The following HSF2 variants were observed in gnomAD, a reference collection of about 807,000 sequenced individuals.
HSF2 encodes heat shock transcription factor 2.
Under a neutral mutation model 65.0 loss-of-function variants are expected in HSF2, and 21 were observed. The ratio of observed to expected loss-of-function variants is 0.32; its 90% confidence interval spans 0.23 to 0.47. The LOEUF (loss-of-function observed/expected upper bound fraction) is 0.47, where lower values mean the gene tolerates loss of function less well. Among genes scored for constraint, HSF2 ranks in the 20% least tolerant of loss-of-function variants. HSF2 has a pLI of 1.00. For missense variants in HSF2, 499 were observed against 628.1 expected (o/e 0.79, Z 2.20); for synonymous variants, 225 against 219.1 (o/e 1.03, Z -0.24).
At chr6:122,412,933 TAA>T (rs375000491) in intron 3 of HSF2, among the ~76,000 whole-genome samples, 169 bp downstream of exon 3, 5 of 140,762 alleles carry the variant, frequency 3.6e-5, no homozygotes, top group African/African-American at 5.2e-5. Flanking sequence ...TAAGTTAGCT[TAA>T]AAAAAAAAAA....
intron 1 of HSF2, among the ~76,000 whole-genome samples, chr6:122,401,041 A>G (rs1171162421): frequency 6.6e-6 from 1 of 152,136 alleles, no homozygotes; most frequent in Admixed American, 6.6e-5. Flanking sequence ...GTAATACCAT[A>G]GTTTGCCTTG....
chr6:122,420,038 T>C lies in HSF2; in HGVS notation c.594-97T>C, dbSNP rs1369190239. ...CTGAAATTTTTTATTCATTATTAAG[T>C]GAGTGTGCATGTGTGTGTGTTTGGG... On this transcript the variant is annotated intron_variant, in intron 6 of 12. Coordinates refer to ENST00000368455, the MANE Select transcript of HSF2 (RefSeq NM_004506.4). 11 of 1,120,978 alleles carry C rather than the reference T, an allele frequency of 9.8e-6. No individual in the cohort carries two copies. In the East Asian group the frequency reaches 3.1e-4, roughly 31 times the overall value. The allele number at this position is 1,120,978 out of a possible 1,614,324, so 69.4% of individuals were successfully genotyped here.
At position 122,422,871 on chromosome 6, in the gene HSF2, G is replaced by A. The variant is rs1774267692; in HGVS notation, c.984G>A (p.Gln328=). The A allele has an allele frequency of 6.2e-7, 1 of 1,613,684 alleles. No individual in the cohort carries two copies. Among genetic ancestry groups the A allele is most frequent in the African/African-American group, 1.3e-5 (1 of 75,026 alleles). Residue 328 remains glutamine, a synonymous_variant, in exon 9 of 13, where the codon CAG becomes CAA. Coordinates refer to ENST00000368455, the MANE Select transcript of HSF2 (RefSeq NM_004506.4). ...GCCCTCTCATGTCTAGTGCTGTCCA[G>A]CTAAATGGCTCATCCAGTCTGACCT... The part of the protein sequence containing the change: ...GSSPLMSSAV[Q]LNGSSSLTSE...
intron 4 of HSF2, among the ~76,000 whole-genome samples, chr6:122,414,943 TAAC>T (rs1459549801): frequency 3.3e-5 from 5 of 152,300 alleles, no homozygotes; most frequent in East Asian, 3.9e-4. Context: ...AGTAAGCAGA[TAAC>T]AACATTTTTT....
chr6:122,411,257 T>G (rs1773987047), intron 1 of HSF2, among the ~76,000 whole-genome samples: 1 of 151,934 alleles, frequency 6.6e-6, no homozygotes, highest in Admixed American at 6.6e-5. Flanking sequence ...ATATCTTCTT[T>G]GAAGAAATAT....
chr6:122,420,630 A>G (rs1466842480), intron 7 of HSF2, among the ~76,000 whole-genome samples: 1 of 60,666 alleles, frequency 1.6e-5, no homozygotes, highest in African/African-American at 5.0e-5. Flanking sequence ...ATCATTTTAT[A>G]GTGTGGCTTT....
rs1406810398 is a variant in HSF2, at chr6:122,399,683, C to T, written c.-55C>T. 8 of 1,475,378 alleles carry T rather than the reference C, an allele frequency of 5.4e-6. No homozygotes were observed. The highest frequency in any genetic ancestry group is 3.5e-5 in the South Asian group (3 of 86,470). 91.4% of individuals were successfully genotyped at this position (1,475,378 alleles called of 1,614,324 possible). A position where few individuals can be genotyped will look rare whatever the true frequency, so the allele number is the denominator to read the frequency against. ...GGGGAGCTGCTGCCGTAGCTGCCGC[C>T]GCCGCTACCACCGCGTTCGGGTGTA... On this transcript the variant is annotated 5_prime_UTR_variant, in exon 1 of 13. Transcript: ENST00000368455.
intron 1 of HSF2, among the ~76,000 whole-genome samples, chr6:122,405,822 A>G (rs928928005): frequency 3.9e-5 from 6 of 152,194 alleles, no homozygotes; most frequent in African/African-American, 7.2e-5. Context: ...CTAATTTACT[A>G]TTTGTCCCTT....
rs1773667379 is a variant in HSF2 at position 122,399,678 on chromosome 6, G to C, written c.-60G>C. The C allele has an allele frequency of 7.0e-7, 1 of 1,438,454 alleles. No individual in the cohort carries two copies. The highest frequency in any genetic ancestry group is 1.4e-5 in the African/African-American group (1 of 69,972). The allele number at this position is 1,438,454 out of a possible 1,614,324, so 89.1% of individuals were successfully genotyped here. On this transcript the variant is annotated 5_prime_UTR_variant, in exon 1 of 13. Transcript: ENST00000368455. ...TTCTCGGGGAGCTGCTGCCGTAGCT[G>C]CCGCCGCCGCTACCACCGCGTTCGG...
chr6:122,408,335 TAA>T (rs368804491), intron 1 of HSF2, among the ~76,000 whole-genome samples: 4 of 132,958 alleles, frequency 3.0e-5, no homozygotes, highest in Non-Finnish European at 3.3e-5. Flanking sequence ...TCAAGTTCCA[TAA>T]AAAAAAAAAA....
At chr6:122,420,106 A>T in intron 6 of HSF2, 29 bp from the exon 7 acceptor site, 1 of 1,584,846 alleles carries the variant, frequency 6.3e-7, no homozygotes, top group Non-Finnish European at 8.6e-7. Context: ...TGTTTGCTTC[A>T]CTGAACTGCA....
chr6:122,407,878 G>T (rs1453669311), intron 1 of HSF2, among the ~76,000 whole-genome samples: 1 of 152,134 alleles, frequency 6.6e-6, no homozygotes, highest in Non-Finnish European at 1.5e-5. Context: ...AGTCCAAGAT[G>T]AAGGCAGTGG....
At chr6:122,409,733 A>T (rs1222753407) in intron 1 of HSF2, among the ~76,000 whole-genome samples, 2 of 151,952 alleles carry the variant, frequency 1.3e-5, no homozygotes. Context: ...TTCTGTTAGG[A>T]AGAAAGTAGA....
Position 122,416,227 on chromosome 6 carries a change from T to G in HSF2, c.462T>G (p.Asn154Lys), listed in dbSNP as rs753091494. ...TTAATAAATTATAACATAGTGAGAA[T>G]GAGTCCCTTTGGAAGGAGGTGTCAG... ...ESRLSELKSE[N>K]ESLWKEVSEL... is the part of the protein sequence containing the mutation. Residue 154 changes from asparagine (N) to lysine (K), a missense_variant, in exon 5 of 13, where the codon AAT (asparagine) becomes AAG (lysine). By Grantham distance (94) the Asn-to-Lys change is moderately conservative. Coordinates refer to ENST00000368455, the MANE Select transcript of HSF2 (RefSeq NM_004506.4). The G allele has an allele frequency of 6.3e-7, 1 of 1,597,070 alleles. No homozygotes were observed. Among genetic ancestry groups the G allele is most frequent in the Non-Finnish European group, 8.6e-7 (1 of 1,164,716 alleles).
At chr6:122,406,775 A>G (rs1773876773) in intron 1 of HSF2, among the ~76,000 whole-genome samples, 1 of 152,114 alleles carries the variant, frequency 6.6e-6, no homozygotes, top group Admixed American at 6.5e-5. Context: ...GATCTCTAGT[A>G]GTATTTGAAA....
chr6:122,425,788 T>C (rs998526651), intron 10 of HSF2, among the ~76,000 whole-genome samples: 4 of 152,054 alleles, frequency 2.6e-5, no homozygotes, highest in Non-Finnish European at 5.9e-5. Flanking sequence ...TGTGAAGAGA[T>C]TTTGGCTTGT....
intron 10 of HSF2, among the ~76,000 whole-genome samples, chr6:122,427,402 A>G (rs1316066106): frequency 6.6e-6 from 1 of 152,012 alleles, no homozygotes; most frequent in Non-Finnish European, 1.5e-5. Context: ...GGTGTGGTGA[A>G]AAGAACCAAC....
rs78369225 is a variant in HSF2 at position 122,420,174 on chromosome 6, C to T, written c.633C>T (p.Asn211=). The T allele has an allele frequency of 6.2e-7, 1 of 1,608,970 alleles. No homozygotes were observed. The highest frequency in any genetic ancestry group is 8.5e-7 in the Non-Finnish European group (1 of 1,176,218). The part of the protein sequence containing the change: ...LLNTNGAQKK[N]LFQHIVKEPT... ...ACACTAATGGAGCCCAAAAGAAGAACCTGTTTCAGCACATAGTCAAAGAAC... is the reference window on the plus strand; with the variant it reads ...ACACTAATGGAGCCCAAAAGAAGAATCTGTTTCAGCACATAGTCAAAGAAC... Residue 211 remains asparagine (N), a synonymous_variant, in exon 7 of 13, where the codon AAC becomes AAT. Transcript: ENST00000368455.
At chr6:122,414,695 T>C (rs1774082584) in intron 4 of HSF2, among the ~76,000 whole-genome samples, 1 of 152,136 alleles carries the variant, frequency 6.6e-6, no homozygotes, top group South Asian at 2.1e-4. Flanking sequence ...GACTTGATCT[T>C]ACCTCACTGC....
Sources: allele counts gnomAD v4.1 joint callset (sites outside exome capture counted in the v4.1 genomes callset), GRCh38; gene constraint gnomAD v4.1.1; transcripts MANE v1.5; gene names NCBI Gene and HGNC (gene_info 2026-07-23, HGNC 2026-07-21).